Variants in SH3PXD2A observed in about 807,000 individuals in gnomAD.
The protein encoded by SH3PXD2A is SH3 and PX domains 2A.
SH3PXD2A carries 32 observed loss-of-function variants against 115.2 expected under a neutral mutation model. The ratio of observed to expected loss-of-function variants is 0.28; its 90% CI spans 0.21 to 0.37. The LOEUF is 0.37. SH3PXD2A is among the 10% of genes least tolerant of loss of function. The probability of loss-of-function intolerance (pLI) is 1.00; values close to 1 mark genes in which losing one functional copy is unlikely to be tolerated. For synonymous variants in SH3PXD2A, 610 were observed against 629.1 expected (o/e 0.97, Z 0.45); for missense variants, 1,328 against 1,498.7 (o/e 0.89, Z 1.88).
chr10:103,598,121 A>G lies in SH3PXD2A; in HGVS notation c.*3695T>C, dbSNP rs1038142463. 3 of 152,712 alleles carry G rather than the reference A, an allele frequency of 2.0e-5. No individual in the cohort carries two copies. Among genetic ancestry groups the G allele is most frequent in the African/African-American group, 7.2e-5 (3 of 41,474 alleles). The allele number at this position is 152,712 out of a possible 1,614,324, so 9.5% of individuals were successfully genotyped here. On this transcript the variant is annotated 3_prime_UTR_variant, in exon 15 of 15. Coordinates refer to ENST00000369774, the MANE Select transcript of SH3PXD2A (RefSeq NM_001394015.1). ...CTGAAAGTGATTAAAATGATTCTAT[A>G]TAATGCCTTCGTCAAGATGGAAAAT...
Position 103,599,141 on chromosome 10 carries a change from A to AAGTT in SH3PXD2A, c.*2671_*2674dup, listed in dbSNP as rs1170786872. 3.3e-5 allele frequency: 5 copies of AAGTT among 151,928 alleles called. No homozygotes were observed. The highest frequency in any genetic ancestry group is 7.4e-5 in the Non-Finnish European group (5 of 67,906). 9.4% of individuals were successfully genotyped at this position (151,928 alleles called of 1,614,324 possible). A position where few individuals can be genotyped will look rare whatever the true frequency, so the allele number is the denominator to read the frequency against. ...ATTAACTAGCTGTGGGATTTTGGAA[A>AAGTT]AGTTGTTTCCTGTCCTTGGGCCGCA... On this transcript the variant is annotated 3_prime_UTR_variant, in exon 15 of 15. Transcript: ENST00000369774.
intron 1 of SH3PXD2A, among the ~76,000 whole-genome samples, chr10:103,816,988 AC>A (rs1161897335): frequency 8.6e-6 from 1 of 116,600 alleles, no homozygotes; most frequent in Non-Finnish European, 1.8e-5. Context: ...GTGCCAACAC[AC>A]CCGGCTAATT....
chr10:103,724,297 C>A lies in SH3PXD2A; in HGVS notation c.371G>T (p.Arg124Leu), dbSNP rs200891786. ...CDEVFRFFEARPEDVNPPKED... is the reference protein window; with the variant it reads ...CDEVFRFFEALPEDVNPPKED... ...TTTTGGAGGGTTGACATCCTCGGGT[C>A]GAGCCTCGAAGAACCGGAAGACTTC... is the stretch of plus-strand genomic sequence containing the variant. The change falls in exon 5 of 15, where the codon CGA (arginine) becomes CTA (leucine). Residue 124 changes from arginine to leucine, a missense_variant. By Grantham distance (102) the Arg-to-Leu change is moderately radical. Transcript: ENST00000369774. 3.2e-6 allele frequency: 5 copies of A among 1,578,956 alleles called. No individual in the cohort carries two copies. The highest frequency in any genetic ancestry group is 1.4e-5 in the African/African-American group (1 of 72,310).
chr10:103,847,602 G>A (rs147669818), intron 1 of SH3PXD2A, among the ~76,000 whole-genome samples: 121 of 152,274 alleles, frequency 7.9e-4, no homozygotes, highest in African/African-American at 2.9e-3. Context: ...TGGGATTACA[G>A]TCATGAGCCA....
chr10:103,677,507 G>A (rs1488597553), intron 6 of SH3PXD2A, among the ~76,000 whole-genome samples: 1 of 152,160 alleles, frequency 6.6e-6, no homozygotes, highest in Non-Finnish European at 1.5e-5. Context: ...GGGTGGGGAT[G>A]GGGGGTCAGG....
chr10:103,642,364 T>C (rs1325585647), intron 8 of SH3PXD2A, among the ~76,000 whole-genome samples: 1 of 152,156 alleles, frequency 6.6e-6, no homozygotes, highest in South Asian at 2.1e-4. Context: ...GGGTTAAAGA[T>C]CATCGAACAT....
At position 103,602,026 on chromosome 10, in the gene SH3PXD2A, C is replaced by T. The variant is rs2036221701; in HGVS notation, c.3192G>A (p.Glu1064=). 2 of 1,612,738 alleles carry T rather than the reference C, an allele frequency of 1.2e-6. No individual in the cohort carries two copies. Among genetic ancestry groups the T allele is most frequent in the African/African-American group, 1.3e-5 (1 of 74,920 alleles). ...PVSPVRPKPI[E]KSQFIHNNLK... is the part of the protein sequence containing the mutation. ...GGTTATTGTGGATGAACTGAGACTT[C>T]TCGATGGGCTTGGGGCGCACAGGGG... Residue 1064 remains glutamate (E), a synonymous_variant, in exon 15 of 15, where the codon GAG becomes GAA. Transcript: ENST00000369774.
rs574287621 is a variant in SH3PXD2A, at chr10:103,808,843, G to A, written c.73-7481C>T. Among the ~76,000 whole-genome samples the A allele has an allele frequency of 7.9e-5, 12 of 152,202 alleles. No individual in the cohort carries two copies. The South Asian group carries it at 2.5e-3, about 32-fold the overall frequency. On this transcript the variant is annotated intron_variant, in intron 1 of 14. Coordinates refer to ENST00000369774, the MANE Select transcript of SH3PXD2A (RefSeq NM_001394015.1). ...TCCTCTTCTCCCCCGAGGCTCACTA[G>A]GCCTGCCAGTCTGCTGGACACACTG...
chr10:103,739,280 C>T (rs1047060570), intron 3 of SH3PXD2A, among the ~76,000 whole-genome samples: 11 of 152,210 alleles, frequency 7.2e-5, no homozygotes, highest in Non-Finnish European at 1.2e-4. Flanking sequence ...CCAGTCCTCC[C>T]CACCAGGCTC....
At chr10:103,651,572 C>T (rs2037123619) in intron 8 of SH3PXD2A, among the ~76,000 whole-genome samples, 1 of 152,230 alleles carries the variant, frequency 6.6e-6, no homozygotes, top group African/African-American at 2.4e-5. Flanking sequence ...AGCTCATGCC[C>T]CACCTCCCAG....
intron 2 of SH3PXD2A, among the ~76,000 whole-genome samples, chr10:103,769,179 T>TCAC (rs2038791248): frequency 1.7e-5 from 2 of 116,048 alleles, no homozygotes; most frequent in East Asian, 2.5e-4. Context: ...TGTGTGTGTG[T>TCAC]GTGCGCGCGC....
intron 9 of SH3PXD2A, among the ~76,000 whole-genome samples, chr10:103,624,181 G>A (rs1182530745): frequency 6.6e-6 from 1 of 152,246 alleles, no homozygotes; most frequent in African/African-American, 2.4e-5. Context: ...CCCTTGGGCT[G>A]CCAAGCCCTG....
At chr10:103,735,920 C>T (rs1473542578) in intron 3 of SH3PXD2A, 112 bp from the exon 4 acceptor site, 2 of 828,382 alleles carry the variant, frequency 2.4e-6, no homozygotes, top group Non-Finnish European at 4.2e-6. Flanking sequence ...TACCTGCCAC[C>T]ACCCCGTCCA....
intron 8 of SH3PXD2A, among the ~76,000 whole-genome samples, chr10:103,644,686 C>G (rs962072715): frequency 1.3e-5 from 2 of 152,168 alleles, no homozygotes; most frequent in Non-Finnish European, 2.9e-5. Context: ...CTAACTATCC[C>G]CAGTAGAACT....
rs57212040 is a variant in SH3PXD2A at position 103,811,146 on chromosome 10, T to C, written c.73-9784A>G. Among the ~76,000 whole-genome samples the C allele has an allele frequency of 7.9e-3, 1,197 of 152,312 alleles. 17 individuals are homozygous for C. Among genetic ancestry groups the C allele is most frequent in the African/African-American group, 0.028 (1,150 of 41,558 alleles). On this transcript the variant is annotated intron_variant, in intron 1 of 14. Transcript: ENST00000369774. ...GGCCCCTCTGGGGCTGGACACTTTT[T>C]CTTTTCTTCATGTTTCCTGGAGGGG...
At chr10:103,851,703 G>A (rs1842898342) in intron 1 of SH3PXD2A, among the ~76,000 whole-genome samples, 3 of 152,154 alleles carry the variant, frequency 2.0e-5, no homozygotes, top group South Asian at 2.1e-4. Flanking sequence ...GGAATCACAC[G>A]AAAACACGAG....
chr10:103,815,654 G>C (rs985175929), intron 1 of SH3PXD2A, among the ~76,000 whole-genome samples: 1 of 151,750 alleles, frequency 6.6e-6, no homozygotes, highest in African/African-American at 2.4e-5. Context: ...ACTCGGGGAG[G>C]CCGAGGCAGG....
chr10:103,750,011 T>TC (rs11395457), intron 3 of SH3PXD2A: 47,990 of 152,126 alleles, frequency 0.32, 8,905 homozygotes, highest in African/African-American at 0.53. Context: ...GTTAAGCAGT[T>TC]CTGAATTCCT....
Position 103,775,314 on chromosome 10 carries a change from T to C in SH3PXD2A, c.154-8145A>G, listed in dbSNP as rs114878926. On this transcript the variant is annotated intron_variant, in intron 2 of 14. Transcript: ENST00000369774. ...TTACCACATCAGCAGGTTTCAGGAGTGTCAGTCATGGTCTGTGATCCGAGT... is the reference window on the plus strand; with the variant it reads ...TTACCACATCAGCAGGTTTCAGGAGCGTCAGTCATGGTCTGTGATCCGAGT... Among the ~76,000 whole-genome samples the C allele has an allele frequency of 4.8e-3, 731 of 152,130 alleles. 9 individuals are homozygous for C. Among genetic ancestry groups the C allele is most frequent in the African/African-American group, 0.016 (682 of 41,482 alleles).
Sources: gnomAD v4.1 joint callset for allele counts (sites outside exome capture counted in the v4.1 genomes callset) on GRCh38, gnomAD v4.1.1 for gene constraint, MANE v1.5 for transcripts, NCBI Gene and HGNC (gene_info 2026-07-23, HGNC 2026-07-21) for gene names.